Variants in TNFSF10 observed in about 807,000 individuals in gnomAD.
TNFSF10 encodes the protein TNF superfamily member 10.
Under a neutral mutation model 29.5 loss-of-function variants are expected in TNFSF10, and 13 were observed. The observed-to-expected ratio is 0.44, with a 90% CI of 0.29 to 0.70. The LOEUF is 0.70. Ranked by LOEUF, TNFSF10 falls within the 30% of genes least tolerant of loss-of-function variation. TNFSF10 has a pLI of 0.13. For synonymous variants in TNFSF10, 111 were observed against 112.8 expected (o/e 0.98, Z 0.10); for missense variants, 345 against 330.9 (o/e 1.04, Z -0.33).
chr3:172,511,866 A>G (rs1001427891), intron 2 of TNFSF10, among the ~76,000 whole-genome samples: 1 of 152,220 alleles, frequency 6.6e-6, no homozygotes, highest in Non-Finnish European at 1.5e-5. Context: ...CAGCACAGCA[A>G]TCAAGGGATG....
chr3:172,513,398 C>G (rs1713303533), intron 2 of TNFSF10, among the ~76,000 whole-genome samples: 1 of 152,222 alleles, frequency 6.6e-6, no homozygotes, highest in African/African-American at 2.4e-5. Flanking sequence ...GGTCCTTGCC[C>G]CCTGAACACT....
At chr3:172,511,980 G>A (rs1306025665) in intron 2 of TNFSF10, among the ~76,000 whole-genome samples, 1 of 152,222 alleles carries the variant, frequency 6.6e-6, no homozygotes, top group African/African-American at 2.4e-5. Context: ...TCAGCCAAAT[G>A]TGGCTGATGG....
intron 3 of TNFSF10, chr3:172,511,310 C>A: frequency 4.5e-6 from 1 of 219,860 alleles, no homozygotes. Context: ...AAGATGGCTT[C>A]TTTGTAACAC....
chr3:172,507,842 C>T (rs140657430), intron 4 of TNFSF10, among the ~76,000 whole-genome samples: 26 of 152,086 alleles, frequency 1.7e-4, no homozygotes, highest in African/African-American at 4.8e-4. Flanking sequence ...GACAAATTTA[C>T]GGGATAAAGC....
At chr3:172,518,912 C>T (rs1713561479) in intron 1 of TNFSF10, among the ~76,000 whole-genome samples, 1 of 150,288 alleles carries the variant, frequency 6.7e-6, no homozygotes, top group South Asian at 2.1e-4. Context: ...ATAAAAATAG[C>T]ATTGTATTGT....
At chr3:172,517,456 TTCAGGA>T in intron 1 of TNFSF10, 1 of 983,810 alleles carries the variant, frequency 1.0e-6, no homozygotes, top group Non-Finnish European at 1.2e-6. Context: ...CCTGGATACA[TTCAGGA>T]TACACAGGCA....
Position 172,511,633 on chromosome 3 carries a change from G to A in TNFSF10, c.297C>T (p.Thr99=). 1.9e-6 allele frequency: 3 copies of A among 1,611,392 alleles called. No individual in the cohort carries two copies. The South Asian group carries it at 3.3e-5, about 18-fold the overall frequency. ...AGATACTACCTTGAACTGTAGAAAT[G>A]GTTTCCTCAGAGGTTCTCAAAATCA... is the stretch of plus-strand genomic sequence containing the variant. ...RKMILRTSEE[T]ISTVQEKQQN... is the part of the protein sequence containing the mutation. Residue 99 remains threonine, a synonymous_variant, in exon 3 of 5, where the codon ACC becomes ACT. Transcript: ENST00000241261.
At chr3:172,507,061 A>G (rs1241546111) in intron 4 of TNFSF10, 142 bp from the exon 5 acceptor site, 9 of 705,764 alleles carry the variant, frequency 1.3e-5, no homozygotes, top group Admixed American at 3.1e-5. Flanking sequence ...TTCCTCCTTC[A>G]ATCTTAATGT....
intron 3 of TNFSF10, among the ~76,000 whole-genome samples, chr3:172,509,758 C>G (rs899865939): frequency 1.3e-5 from 2 of 152,118 alleles, no homozygotes; most frequent in African/African-American, 4.8e-5. Context: ...TACCAACAAA[C>G]AGATGGTCAG....
chr3:172,518,817 T>G (rs1713558187), intron 1 of TNFSF10, among the ~76,000 whole-genome samples: 1 of 152,254 alleles, frequency 6.6e-6, no homozygotes, highest in Admixed American at 6.5e-5. Flanking sequence ...ACACAGAAGA[T>G]TCAAACTTAT....
At chr3:172,507,972 G>A (rs1433952126) in intron 4 of TNFSF10, among the ~76,000 whole-genome samples, 3 of 152,300 alleles carry the variant, frequency 2.0e-5, no homozygotes, top group South Asian at 2.1e-4. Context: ...AGCTTGACTA[G>A]GTTAAGTAAT....
At chr3:172,520,940 C>A (rs894807210) in intron 1 of TNFSF10, among the ~76,000 whole-genome samples, 3 of 152,130 alleles carry the variant, frequency 2.0e-5, no homozygotes, top group Non-Finnish European at 4.4e-5. Context: ...CTGACAAAAA[C>A]AAGCAATGGG....
chr3:172,523,233 G>GTGCAC lies in TNFSF10; in HGVS notation c.132+15_132+19dup, dbSNP rs1713783190. The GTGCAC allele has an allele frequency of 5.7e-6, 9 of 1,582,714 alleles. No homozygotes were observed. The highest frequency in any genetic ancestry group is 2.3e-5 in the East Asian group (1 of 44,202). On this transcript the variant is annotated intron_variant, in intron 1 of 4. Transcript: ENST00000241261. ...ATTTGCTAAGCGCCTCGAAGACTGA[G>GTGCAC]TGCACTGCACTGCACTGACCTGCTT...
At chr3:172,517,693 T>C (rs1713493194) in intron 1 of TNFSF10, 1 of 985,076 alleles carries the variant, frequency 1.0e-6, no homozygotes, top group Non-Finnish European at 1.2e-6. Flanking sequence ...CATAAGACTA[T>C]ATAAAAATGC....
At position 172,509,283 on chromosome 3, in the gene TNFSF10, C is replaced by T. The variant is rs1713122040; in HGVS notation, c.352G>A (p.Gly118Ser). 1 of 1,613,702 alleles carries T rather than the reference C, an allele frequency of 6.2e-7. No homozygotes were observed. The highest frequency in any genetic ancestry group is 1.3e-5 in the African/African-American group (1 of 74,898). ...QNISPLVRER[G>S]PQRVAAHITG... ...ATGTGAGCTGCTACTCTCTGAGGAC[C>T]TCTTTCTCTCACTAGGGGAGAAATA... is the stretch of plus-strand genomic sequence containing the variant. Residue 118 changes from glycine to serine, a missense_variant, in exon 4 of 5, where the codon GGT becomes AGT. Coordinates refer to ENST00000241261, the MANE Select transcript of TNFSF10 (RefSeq NM_003810.4).
At position 172,506,468 on chromosome 3, in the gene TNFSF10, T is replaced by C; in HGVS notation, c.*24A>G. 6.4e-7 allele frequency: 1 copy of C among 1,573,722 alleles called. No individual in the cohort carries two copies. Among genetic ancestry groups the C allele is most frequent in the Non-Finnish European group, 8.6e-7 (1 of 1,164,546 alleles). On this transcript the variant is annotated 3_prime_UTR_variant, in exon 5 of 5. Coordinates refer to ENST00000241261, the MANE Select transcript of TNFSF10 (RefSeq NM_003810.4). ...GAAAACTGAATAGTCACTTTGAGGT[T>C]ATTGCTTTTTCTTTCCAGGTCAGTT... is the stretch of plus-strand genomic sequence containing the variant.
intron 3 of TNFSF10, among the ~76,000 whole-genome samples, chr3:172,509,976 CAAAAA>C (rs11290814): frequency 3.9e-5 from 4 of 101,904 alleles, no homozygotes; most frequent in Non-Finnish European, 2.1e-5. Context: ...AAGACTCCGT[CAAAAA>C]AAAAAAAAAA....
chr3:172,519,492 T>C (rs1324316157), intron 1 of TNFSF10, among the ~76,000 whole-genome samples: 1 of 152,216 alleles, frequency 6.6e-6, no homozygotes, highest in Non-Finnish European at 1.5e-5. Flanking sequence ...TAAGAAAGGT[T>C]AGGAAATTCT....
At chr3:172,521,423 A>C (rs1713692901) in intron 1 of TNFSF10, among the ~76,000 whole-genome samples, 3 of 152,248 alleles carry the variant, frequency 2.0e-5, no homozygotes, top group Non-Finnish European at 4.4e-5. Flanking sequence ...AAAAGAAGAC[A>C]TTTATGTGGC....
Sources: gnomAD v4.1 joint callset for allele counts (sites outside exome capture counted in the v4.1 genomes callset) on GRCh38, gnomAD v4.1.1 for gene constraint, MANE v1.5 for transcripts, NCBI Gene and HGNC (gene_info 2026-07-23, HGNC 2026-07-21) for gene names.